SLC27A4: variants seen among roughly 807,000 people sequenced by gnomAD.
The protein encoded by SLC27A4 is solute carrier family 27 member 4, also known as long-chain fatty acid transport protein 4.
In SLC27A4, 33 loss-of-function variants were observed where a neutral mutation model predicts 64.4. That is an observed-to-expected ratio of 0.51 (90% CI 0.39 to 0.68). The LOEUF is 0.68. Among genes scored for constraint, SLC27A4 ranks in the 30% least tolerant of loss-of-function variants. SLC27A4 has a pLI of 0.00. For synonymous variants in SLC27A4, 377 were observed against 370.0 expected (o/e 1.02, Z -0.22); for missense variants, 824 against 883.5 (o/e 0.93, Z 0.85).
chr9:128,341,814 A>G (rs566073844), intron 1 of SLC27A4, among the ~76,000 whole-genome samples: 31 of 152,188 alleles, frequency 2.0e-4, no homozygotes, highest in South Asian at 1.5e-3. Flanking sequence ...TCTCGGCTCA[A>G]TGGAACCTCC....
Position 128,342,845 on chromosome 9 carries a change from A to G in SLC27A4, c.-6-282A>G, listed in dbSNP as rs1205099890. 3 of 540,928 alleles carry G rather than the reference A, an allele frequency of 5.5e-6. No homozygotes were observed. In the African/African-American group the frequency reaches 5.7e-5, roughly 10 times the overall value. 33.5% of individuals were successfully genotyped at this position (540,928 alleles called of 1,614,324 possible). On this transcript the variant is annotated intron_variant, in intron 1 of 12. Transcript: ENST00000300456. ...TCTAAAATGTGAAAAGGTCTTGCCC[A>G]AGGTCACTTGGAGAATGGTGGGCAG...
intron 12 of SLC27A4, among the ~76,000 whole-genome samples, chr9:128,358,219 G>T (rs1832847950): frequency 6.6e-6 from 1 of 152,206 alleles, no homozygotes; most frequent in South Asian, 2.1e-4. Flanking sequence ...GCAAGAGGCA[G>T]TTAGATGGCC....
chr9:128,354,694 T>C (rs1431753274), intron 9 of SLC27A4, among the ~76,000 whole-genome samples: 1 of 151,774 alleles, frequency 6.6e-6, no homozygotes, highest in Non-Finnish European at 1.5e-5. Context: ...ACACCTGTAA[T>C]CCCAGCACTT....
intron 6 of SLC27A4, among the ~76,000 whole-genome samples, chr9:128,351,672 G>C (rs1394958026): frequency 6.6e-6 from 1 of 152,106 alleles, no homozygotes; most frequent in Non-Finnish European, 1.5e-5. Flanking sequence ...AGCCTAGATC[G>C]TGCCATTGCA....
intron 3 of SLC27A4, among the ~76,000 whole-genome samples, chr9:128,347,498 G>T (rs375529117): frequency 1.4e-4 from 21 of 146,846 alleles, no homozygotes; most frequent in African/African-American, 4.8e-4. Context: ...AGGCCAAGGA[G>T]GGCAGGTCAC....
rs180709747 is a variant in SLC27A4 at position 128,359,871 on chromosome 9, A to G, written c.1775-463A>G. The stretch of plus-strand genomic sequence containing the variant: ...TAAGAAAATATGTGCTGCTAATTAT[A>G]CTAGTTCAGAGATGTTAAAATCTGC... On this transcript the variant is annotated intron_variant, in intron 12 of 12. Transcript: ENST00000300456. 3.4e-3 allele frequency among the ~76,000 whole-genome samples: 521 copies of G among 152,312 alleles called. 2 individuals carry two copies. The highest frequency in any genetic ancestry group is 0.011 in the African/African-American group (468 of 41,560).
chr9:128,352,116 A>AC lies in SLC27A4; in HGVS notation c.878-519dup, dbSNP rs1192929109. Among the ~76,000 whole-genome samples, 9 of 151,084 alleles carry AC rather than the reference A, an allele frequency of 6.0e-5. No homozygotes were observed. In the East Asian group the frequency reaches 9.7e-4, roughly 16 times the overall value. ...AGGATGATGCAGGAGAATGGCATGA[A>AC]CCCGGAAGGCGGAGCTTGCAGTGAG... On this transcript the variant is annotated intron_variant, in intron 6 of 12. Coordinates refer to ENST00000300456, the MANE Select transcript of SLC27A4 (RefSeq NM_005094.4).
rs758785757 is a variant in SLC27A4, at chr9:128,353,275, G to A, written c.1197+41G>A. ...GGATGGGCGAGGCTGCTGCAGGGAT[G>A]GCCCACAGAAGGCACTGGATGCAGA... On this transcript the variant is annotated intron_variant, in intron 8 of 12. Coordinates refer to ENST00000300456, the MANE Select transcript of SLC27A4 (RefSeq NM_005094.4). The surrounding 1 kb of genome is among the most constrained non-coding windows in gnomAD (Gnocchi z 4.9). 1.2e-5 allele frequency: 19 copies of A among 1,609,948 alleles called. No homozygotes were observed. Among genetic ancestry groups the A allele is most frequent in the Non-Finnish European group, 1.6e-5 (19 of 1,177,024 alleles).
intron 12 of SLC27A4, among the ~76,000 whole-genome samples, chr9:128,358,997 T>G (rs1361248095): frequency 6.6e-6 from 1 of 152,136 alleles, no homozygotes; most frequent in Admixed American, 6.5e-5. Flanking sequence ...GTAAAGCCAG[T>G]CCAGATTGAG....
chr9:128,352,426 G>C (rs1832750897), intron 6 of SLC27A4, among the ~76,000 whole-genome samples: 1 of 152,160 alleles, frequency 6.6e-6, no homozygotes, highest in Non-Finnish European at 1.5e-5. Flanking sequence ...GTGTAGGAGA[G>C]AGGCAGGGAG....
At chr9:128,342,456 A>G in intron 1 of SLC27A4, 2 of 1,550,180 alleles carry the variant, frequency 1.3e-6, no homozygotes, top group Non-Finnish European at 1.8e-6. Context: ...TGTAAGATGC[A>G]AAGAGGTTGG....
In SLC27A4 at chr9:128,360,684, C is replaced by T; in HGVS notation, c.*193C>T. 1.6e-6 allele frequency: 1 copy of T among 616,738 alleles called. No individual in the cohort carries two copies. The highest frequency in any genetic ancestry group is 2.8e-6 in the Non-Finnish European group (1 of 352,272). 38.2% of individuals were successfully genotyped at this position (616,738 alleles called of 1,614,324 possible). On this transcript the variant is annotated 3_prime_UTR_variant, in exon 13 of 13. Transcript: ENST00000300456. ...CCTTCCAGAGGCTTTCTGTGAAAGT[C>T]TCATGTCCAAGTTCCGTCTTCTGGG...
At chr9:128,347,496 G>A (rs1490989309) in intron 3 of SLC27A4, among the ~76,000 whole-genome samples, 1 of 151,858 alleles carries the variant, frequency 6.6e-6, no homozygotes, top group African/African-American at 2.4e-5. Flanking sequence ...GGAGGCCAAG[G>A]AGGGCAGGTC....
At position 128,353,610 on chromosome 9, in the gene SLC27A4, G is replaced by A. The variant is rs558003690; in HGVS notation, c.1324+69G>A. ...GGAAGGAGGCCAGGCGCGTGTGGAT[G>A]GGGAGCCTTGTTCTGACCAGTGGCC... is the stretch of plus-strand genomic sequence containing the variant. On this transcript the variant is annotated intron_variant, in intron 9 of 12. Coordinates refer to ENST00000300456, the MANE Select transcript of SLC27A4 (RefSeq NM_005094.4). The surrounding 1 kb of genome is among the most constrained non-coding windows in gnomAD (Gnocchi z 4.9). The A allele has an allele frequency of 8.3e-5, 129 of 1,559,906 alleles. No individual in the cohort carries two copies. In the East Asian group the frequency reaches 2.6e-3, roughly 31 times the overall value.
In SLC27A4 at chr9:128,345,024, A is replaced by G. The variant is rs1832631921; in HGVS notation, c.162-131A>G. On this transcript the variant is annotated intron_variant, in intron 2 of 12. Coordinates refer to ENST00000300456, the MANE Select transcript of SLC27A4 (RefSeq NM_005094.4). This position sits in a 1 kb window ranked among gnomAD's most constrained non-coding sequence, Gnocchi z 4.1. Reference sequence around the variant, plus strand: ...GCAGTGCATGTTCCCAGCAGGAGCCAGGAGATAGAAGTGTTGTAGGGGGTC... The same window carrying G: ...GCAGTGCATGTTCCCAGCAGGAGCCGGGAGATAGAAGTGTTGTAGGGGGTC... The G allele has an allele frequency of 4.9e-6, 5 of 1,024,428 alleles. No homozygotes were observed. Among genetic ancestry groups the G allele is most frequent in the Non-Finnish European group, 7.3e-6 (5 of 686,722 alleles). 63.5% of individuals were successfully genotyped at this position (1,024,428 alleles called of 1,614,324 possible).
At position 128,355,159 on chromosome 9, in the gene SLC27A4, C is replaced by G. The variant is rs200670378; in HGVS notation, c.1431C>G (p.Val477=). Residue 477 remains valine, a synonymous_variant, in exon 10 of 13, where the codon GTC becomes GTG. Coordinates refer to ENST00000300456, the MANE Select transcript of SLC27A4 (RefSeq NM_005094.4). ...ACAACAAGAAGATTGCCAAGGATGT[C>G]TTCAAGAAGGGGGACCAGGCCTACC... ...GANNKKIAKD[V]FKKGDQAYLT... is the part of the protein sequence containing the mutation. 334 of 1,613,582 alleles carry G rather than the reference C, an allele frequency of 2.1e-4. No individual in the cohort carries two copies. The highest frequency in any genetic ancestry group is 2.7e-4 in the Non-Finnish European group (324 of 1,179,854).
Position 128,340,716 on chromosome 9 carries a change from C to A in SLC27A4, c.-129C>A, listed in dbSNP as rs1163931277. 4 of 565,820 alleles carry A rather than the reference C, an allele frequency of 7.1e-6. No homozygotes were observed. The highest frequency in any genetic ancestry group is 2.0e-5 in the African/African-American group (1 of 50,952). The allele number at this position is 565,820 out of a possible 1,614,324, so 35.0% of individuals were successfully genotyped here. On this transcript the variant is annotated 5_prime_UTR_variant, in exon 1 of 13. Transcript: ENST00000300456. ...GGCCGGGCCATGCAGGGCGCAGAGC[C>A]GGCTAAACCCTGCTGAGACCCGGCT...
intron 3 of SLC27A4, among the ~76,000 whole-genome samples, chr9:128,347,517 G>A (rs1228944627): frequency 2.7e-5 from 4 of 148,674 alleles, no homozygotes; most frequent in African/African-American, 7.5e-5. Flanking sequence ...ACCTGAGCTC[G>A]AGAGTTAAAG....
chr9:128,342,191 G>T, intron 1 of SLC27A4: 2 of 1,537,114 alleles, frequency 1.3e-6, no homozygotes, highest in South Asian at 1.1e-5. Flanking sequence ...ACCAGACTTC[G>T]CTCGTTCTCG....
Sources: allele counts gnomAD v4.1 joint callset (sites outside exome capture counted in the v4.1 genomes callset), GRCh38; gene constraint gnomAD v4.1.1; non-coding constraint Gnocchi (gnomAD v3.1); transcripts MANE v1.5; gene names NCBI Gene and HGNC (gene_info 2026-07-23, HGNC 2026-07-21).